The following KCNH7 variants were observed in gnomAD, a reference collection of about 807,000 sequenced individuals.
KCNH7 encodes the protein potassium voltage-gated channel subfamily H member 7.
In KCNH7, 49 loss-of-function variants were observed where a neutral mutation model predicts 120.8. That is an observed-to-expected ratio of 0.41 (90% confidence interval 0.32 to 0.51). The LOEUF is 0.51. Ranked by LOEUF, KCNH7 falls within the 20% of genes least tolerant of loss-of-function variation. The pLI is 0.38. For synonymous variants in KCNH7, 547 were observed against 516.1 expected, an observed-to-expected ratio of 1.06 and a Z score of -0.81; for missense variants, 1,097 against 1,446.6, an observed-to-expected ratio of 0.76 and a Z score of 3.92.
At chr2:162,731,949 A>C (rs1157084996) in intron 2 of KCNH7, among the ~76,000 whole-genome samples, 4 of 152,142 alleles carry the variant, frequency 2.6e-5, no homozygotes, top group Admixed American at 6.5e-5. Context: ...TGAACTGTTA[A>C]CTCCTGGCAG....
chr2:162,566,307 G>T (rs1243335773), intron 2 of KCNH7, among the ~76,000 whole-genome samples: 1 of 151,990 alleles, frequency 6.6e-6, no homozygotes, highest in African/African-American at 2.4e-5. Context: ...GTAAAGCATG[G>T]TCGCTTTTCA....
chr2:162,427,223 C>G (rs1044192591), intron 8 of KCNH7, among the ~76,000 whole-genome samples: 2 of 151,918 alleles, frequency 1.3e-5, no homozygotes, highest in Non-Finnish European at 1.5e-5. Context: ...ATTTTCATTT[C>G]CCTTTTAAAC....
In KCNH7 at chr2:162,446,260, C is replaced by T. The variant is rs1187269036; in HGVS notation, c.1312G>A (p.Glu438Lys). ...TAGCCACATTCTCGTCTTTTCTGTT[C>T]TTCTCTGTCATTGAGGAGGAAGGCT... ...SAAFLLNDRE[E>K]QKRRECGYSC... Residue 438 changes from glutamate (E) to lysine (K), a missense_variant, in exon 7 of 16, where the codon GAA (glutamate) becomes AAA (lysine). Around this residue, in one of 8 missense-constraint regions of KCNH7, gnomAD observed 109 missense variants for 196.8 expected, o/e 0.55. Transcript: ENST00000332142. 1 of 1,613,936 alleles carries T rather than the reference C, an allele frequency of 6.2e-7. No homozygotes were observed. The highest frequency in any genetic ancestry group is 2.2e-5 in the East Asian group (1 of 44,868).
intron 2 of KCNH7, among the ~76,000 whole-genome samples, chr2:162,611,421 T>C (rs185178902): frequency 2.0e-4 from 30 of 152,322 alleles, no homozygotes; most frequent in African/African-American, 7.2e-4. Context: ...TTGTGTGAGA[T>C]ACACTCTGCT....
intron 2 of KCNH7, among the ~76,000 whole-genome samples, chr2:162,558,840 G>A (rs11884428): frequency 0.078 from 11,883 of 151,598 alleles, 1,587 homozygotes; most frequent in African/African-American, 0.27. Context: ...GAGGTGGGCT[G>A]ATCACGAGGT....
intron 3 of KCNH7, among the ~76,000 whole-genome samples, chr2:162,531,718 T>A (rs1475352220): frequency 1.3e-5 from 2 of 151,958 alleles, no homozygotes; most frequent in Admixed American, 6.6e-5. Context: ...CCAAGTATAA[T>A]ATTGTTCAGG....
intron 2 of KCNH7, among the ~76,000 whole-genome samples, chr2:162,695,045 C>T (rs956896712): frequency 2.2e-4 from 33 of 152,052 alleles, no homozygotes; most frequent in Admixed American, 1.2e-3. Flanking sequence ...GGATTGCAGG[C>T]GTGAGCCACT....
intron 2 of KCNH7, among the ~76,000 whole-genome samples, chr2:162,804,460 A>G (rs1371281699): frequency 6.6e-6 from 1 of 151,924 alleles, no homozygotes; most frequent in Non-Finnish European, 1.5e-5. Context: ...CAAATGAAGA[A>G]CTTAATCTCT....
At chr2:162,810,951 G>C (rs1684713380) in intron 2 of KCNH7, among the ~76,000 whole-genome samples, 1 of 152,074 alleles carries the variant, frequency 6.6e-6, no homozygotes, top group Admixed American at 6.6e-5. Flanking sequence ...AAAATGAGAA[G>C]TTAGCACAAA....
In KCNH7 at chr2:162,457,163, C is replaced by T. The variant is rs546904833; in HGVS notation, c.1129-10720G>A. On this transcript the variant is annotated intron_variant, in intron 6 of 15. Coordinates refer to ENST00000332142, the MANE Select transcript of KCNH7 (RefSeq NM_033272.4). Reference sequence around the variant, plus strand: ...ACTAACAAAGTAAATGTTTTAACAACATGAATAGGATTCTAAGAAGCCAAT... The same window carrying T: ...ACTAACAAAGTAAATGTTTTAACAATATGAATAGGATTCTAAGAAGCCAAT... 1.2e-4 allele frequency among the ~76,000 whole-genome samples: 19 copies of T among 152,138 alleles called. 1 individual carries two copies. In the South Asian group the frequency reaches 3.7e-3, roughly 30 times the overall value.
intron 12 of KCNH7, among the ~76,000 whole-genome samples, chr2:162,385,527 A>C (rs1282354027): frequency 1.3e-5 from 2 of 151,914 alleles, no homozygotes; most frequent in African/African-American, 4.8e-5. Context: ...TAATTAAGGT[A>C]GGTTTTACCT....
chr2:162,472,257 G>C (rs897822462), intron 6 of KCNH7, among the ~76,000 whole-genome samples: 2 of 152,144 alleles, frequency 1.3e-5, no homozygotes, highest in African/African-American at 4.8e-5. Flanking sequence ...TTAAACTAAA[G>C]AGCTTCTGCA....
At chr2:162,376,272 T>A (rs1686174465) in intron 14 of KCNH7, among the ~76,000 whole-genome samples, 1 of 151,992 alleles carries the variant, frequency 6.6e-6, no homozygotes, top group Non-Finnish European at 1.5e-5. Context: ...AATGCCATAC[T>A]AGAGGCATGC....
At chr2:162,827,373 C>T (rs561634887) in intron 2 of KCNH7, among the ~76,000 whole-genome samples, 10 of 152,114 alleles carry the variant, frequency 6.6e-5, no homozygotes, top group African/African-American at 1.7e-4. Flanking sequence ...AACTGAGGGG[C>T]CCTTAACCAA....
chr2:162,760,957 T>G (rs1004783314), intron 2 of KCNH7, among the ~76,000 whole-genome samples: 2 of 152,120 alleles, frequency 1.3e-5, no homozygotes, highest in African/African-American at 4.8e-5. Context: ...TAATTACAAT[T>G]GCTCTATCAT....
chr2:162,589,800 T>C (rs900699087), intron 2 of KCNH7, among the ~76,000 whole-genome samples: 10 of 152,104 alleles, frequency 6.6e-5, no homozygotes, highest in African/African-American at 2.4e-4. Context: ...TGGCTTCTAA[T>C]ACAAAAAGTG....
chr2:162,648,168 C>G (rs901393374), intron 2 of KCNH7, among the ~76,000 whole-genome samples: 1 of 152,160 alleles, frequency 6.6e-6, no homozygotes, highest in Admixed American at 6.5e-5. Flanking sequence ...AGAGGTTTAA[C>G]TGACTCACAG....
intron 2 of KCNH7, among the ~76,000 whole-genome samples, chr2:162,603,084 C>T (rs1034975011): frequency 3.3e-5 from 5 of 151,424 alleles, no homozygotes; most frequent in Non-Finnish European, 5.9e-5. Flanking sequence ...GTGAAGATTA[C>T]GAGTTGGAGA....
intron 2 of KCNH7, among the ~76,000 whole-genome samples, chr2:162,663,824 T>C (rs1685048435): frequency 6.6e-6 from 1 of 152,112 alleles, no homozygotes; most frequent in South Asian, 2.1e-4. Context: ...GCTATGTAAA[T>C]TGTTTTGAGT....
Sources: gnomAD v4.1 joint callset for allele counts (sites outside exome capture counted in the v4.1 genomes callset) on GRCh38, gnomAD v4.1.1 for gene constraint, gnomAD v4.1.1 regional missense constraint, MANE v1.5 for transcripts, NCBI Gene and HGNC (gene_info 2026-07-23, HGNC 2026-07-21) for gene names.